The following HELB variants were observed in gnomAD, a reference collection of about 807,000 sequenced individuals.
HELB encodes DNA 5'-3' helicase B.
HELB carries 96 observed loss-of-function variants against 101.7 expected under a neutral mutation model. The ratio of observed to expected loss-of-function variants is 0.94; its 90% CI spans 0.80 to 1.12. The LOEUF (loss-of-function observed/expected upper bound fraction) is 1.12, where lower values mean the gene tolerates loss of function less well. Ranked by LOEUF, HELB falls within the 50% of genes most tolerant of loss-of-function variation. The probability of loss-of-function intolerance (pLI) is 0.00; values close to 1 mark genes in which losing one functional copy is unlikely to be tolerated. For missense variants in HELB, 1,210 were observed against 1,291.9 expected, an observed-to-expected ratio of 0.94 and a Z score of 0.97; for synonymous variants, 437 against 459.7, an observed-to-expected ratio of 0.95 and a Z score of 0.63.
chr12:66,327,066 A>T (rs12813939), intron 11 of HELB, among the ~76,000 whole-genome samples: 6,920 of 42,142 alleles, frequency 0.16, 273 homozygotes, highest in East Asian at 0.21. Context: ...AAAAAAAAAA[A>T]ATATATATAT....
downstream of HELB, chr12:66,339,753 T>C: frequency 6.6e-6 from 1 of 151,890 alleles, no homozygotes; most frequent in Non-Finnish European, 1.5e-5. Flanking sequence ...AGAGCAAAAC[T>C]CCGTCTCAAA....
At chr12:66,321,528 A>G (rs912163151) in intron 7 of HELB, 1 of 176,634 alleles carries the variant, frequency 5.7e-6, no homozygotes, top group African/African-American at 2.4e-5. Context: ...GATATAACAT[A>G]TAAGGCCTGT....
intron 2 of HELB, 21 bp downstream of exon 2, chr12:66,305,171 C>T (rs778894761): frequency 1.4e-6 from 2 of 1,406,392 alleles, no homozygotes; most frequent in Non-Finnish European, 1.9e-6. Flanking sequence ...TTTTTATCAT[C>T]AACTTTCAGT....
At chr12:66,322,558 G>A (rs559146604) in intron 8 of HELB, among the ~76,000 whole-genome samples, 166 bp from the exon 9 acceptor site, 20 of 67,218 alleles carry the variant, frequency 3.0e-4, no homozygotes, top group African/African-American at 1.2e-3. Flanking sequence ...AGAGCGAGAC[G>A]CTGTCTCAAA....
intron 2 of HELB, among the ~76,000 whole-genome samples, chr12:66,305,421 G>A (rs972698532): frequency 1.3e-5 from 2 of 151,936 alleles, no homozygotes; most frequent in African/African-American, 4.8e-5. Flanking sequence ...TATTCACAGC[G>A]ATTACCTTGA....
chr12:66,333,685 AAAAAC>A (rs537595558), intron 12 of HELB, among the ~76,000 whole-genome samples: 2 of 152,272 alleles, frequency 1.3e-5, no homozygotes, highest in South Asian at 2.1e-4. Flanking sequence ...ACTCTATCTC[AAAAAC>A]AAAACAAAAC....
At chr12:66,321,916 G>C (rs1266241133) in intron 7 of HELB, 32 bp from the exon 8 acceptor site, 1 of 796,414 alleles carries the variant, frequency 1.3e-6, no homozygotes, top group Admixed American at 2.1e-5. Flanking sequence ...TTGGTGATTT[G>C]CTGTGTTAAC....
In HELB at chr12:66,302,557, G is replaced by A. The variant is rs777061316; in HGVS notation, c.-47G>A. ...CTGATTGGCTGATCATGACCATGCAGTTAGCCAGGGTTTTCCCGAGTTGTT... is the reference window on the plus strand; with the variant it reads ...CTGATTGGCTGATCATGACCATGCAATTAGCCAGGGTTTTCCCGAGTTGTT... On this transcript the variant is annotated 5_prime_UTR_variant, in exon 1 of 13. Coordinates refer to ENST00000247815, the MANE Select transcript of HELB (RefSeq NM_001370285.1). 40 of 1,573,892 alleles carry A rather than the reference G, an allele frequency of 2.5e-5. No homozygotes were observed. The East Asian group carries it at 9.0e-4, about 35-fold the overall frequency.
chr12:66,328,011 G>A (rs148227814), intron 11 of HELB, among the ~76,000 whole-genome samples: 286 of 152,288 alleles, frequency 1.9e-3, no homozygotes, highest in African/African-American at 6.1e-3. Context: ...GAATAACCAA[G>A]GGCAGGGTTC....
At chr12:66,303,331 T>G (rs1271861481) in intron 1 of HELB, among the ~76,000 whole-genome samples, 2 of 151,972 alleles carry the variant, frequency 1.3e-5, no homozygotes, top group Admixed American at 1.3e-4. Flanking sequence ...CTCAGCTTCT[T>G]GGAAAAACAA....
At chr12:66,330,175 G>A (rs953891983) in intron 11 of HELB, among the ~76,000 whole-genome samples, 1 of 152,138 alleles carries the variant, frequency 6.6e-6, no homozygotes, top group Non-Finnish European at 1.5e-5. Flanking sequence ...CACTGGATCC[G>A]CTGACTCAGA....
At chr12:66,326,671 C>T (rs750772960) in intron 11 of HELB, among the ~76,000 whole-genome samples, 6 of 151,146 alleles carry the variant, frequency 4.0e-5, no homozygotes, top group Non-Finnish European at 8.8e-5. Flanking sequence ...TACCCCATCT[C>T]GATTCCAAAA....
chr12:66,338,391 C>A, downstream of HELB: 1 of 225,638 alleles, frequency 4.4e-6, no homozygotes, highest in Non-Finnish European at 8.6e-6. Context: ...CCTGTAATCC[C>A]AGCACTTTGG....
At chr12:66,342,209 A>G (rs377427713), downstream of HELB, 105 of 152,230 alleles carry the variant, frequency 6.9e-4, no homozygotes, top group African/African-American at 2.5e-3. Context: ...ATCCCACATT[A>G]TTCCTTTGCA....
In HELB at chr12:66,310,105, A is replaced by G; in HGVS notation, c.1177A>G (p.Lys393Glu). The change falls in exon 4 of 13, where the codon AAA becomes GAA. Residue 393 changes from lysine to glutamate, a missense_variant. Coordinates refer to ENST00000247815, the MANE Select transcript of HELB (RefSeq NM_001370285.1). Reference protein sequence around the residue: ...EKVLASIHTTKPENSSDDALN... With the variant: ...EKVLASIHTTEPENSSDDALN... ...GGTGCTTGCCTCTATTCACACCACA[A>G]AACCTGAGAATTCAAGCGATGATGC... 1 of 1,614,222 alleles carries G rather than the reference A, an allele frequency of 6.2e-7. No homozygotes were observed. The highest frequency in any genetic ancestry group is 8.5e-7 in the Non-Finnish European group (1 of 1,180,030).
rs756247598 is a variant in HELB, at chr12:66,306,531, C to T, written c.777+17C>T. 9.0e-6 allele frequency: 14 copies of T among 1,553,828 alleles called. No homozygotes were observed. Among genetic ancestry groups the T allele is most frequent in the Non-Finnish European group, 7.0e-6 (8 of 1,149,176 alleles). The stretch of plus-strand genomic sequence containing the variant: ...TTTAGTAAAGTAAGTAAAACATTTG[C>T]TCAGCATATAGTAATCTTGTGTAAG... On this transcript the variant is annotated intron_variant, in intron 3 of 12. Transcript: ENST00000247815.
chr12:66,326,217 A>T (rs1031248893), intron 11 of HELB, among the ~76,000 whole-genome samples: 1 of 149,140 alleles, frequency 6.7e-6, no homozygotes, highest in African/African-American at 2.5e-5. Context: ...TGCTGTTGGT[A>T]TGTTGCTTTA....
At chr12:66,333,405 G>T (rs1407779747) in intron 12 of HELB, among the ~76,000 whole-genome samples, 1 of 152,164 alleles carries the variant, frequency 6.6e-6, no homozygotes, top group Non-Finnish European at 1.5e-5. Context: ...AGGCAGGTTG[G>T]CCTAGTGCAG....
intron 8 of HELB, among the ~76,000 whole-genome samples, chr12:66,322,439 C>G (rs1439202535): frequency 6.6e-6 from 1 of 151,518 alleles, no homozygotes; most frequent in African/African-American, 2.4e-5. Context: ...ATGGCACACA[C>G]CTGTAATCCC....
Sources: allele counts gnomAD v4.1 joint callset (sites outside exome capture counted in the v4.1 genomes callset), GRCh38; gene constraint gnomAD v4.1.1; transcripts MANE v1.5; gene names NCBI Gene and HGNC (gene_info 2026-07-23, HGNC 2026-07-21).